Variants in HOMER2 observed in about 807,000 individuals in gnomAD.
HOMER2 encodes the protein homer scaffold protein 2.
HOMER2 carries 27 observed loss-of-function variants against 47.0 expected under a neutral mutation model. That is an observed-to-expected ratio of 0.57 (90% CI 0.42 to 0.79). The LOEUF is 0.79. HOMER2 is among the 30% of genes least tolerant of loss of function. The pLI is 0.00. For synonymous variants in HOMER2, 161 were observed against 163.8 expected, an observed-to-expected ratio of 0.98 and a Z score of 0.13; for missense variants, 443 against 435.0, an observed-to-expected ratio of 1.02 and a Z score of -0.16.
intron 1 of HOMER2, among the ~76,000 whole-genome samples, chr15:82,971,683 T>G (rs1379060937): frequency 1.3e-5 from 2 of 152,122 alleles, no homozygotes; most frequent in Admixed American, 6.6e-5. Context: ...CTCTTGCCAT[T>G]AATCTCTGAC....
intron 1 of HOMER2, chr15:82,926,658 A>G (rs2053859678): frequency 6.6e-6 from 1 of 152,370 alleles, no homozygotes; most frequent in Admixed American, 6.5e-5. Context: ...ACTGCACTCC[A>G]GCCTGGGCAA....
At chr15:82,896,169 T>C (rs1484349142) in intron 1 of HOMER2, among the ~76,000 whole-genome samples, 1 of 152,012 alleles carries the variant, frequency 6.6e-6, no homozygotes, top group East Asian at 1.9e-4. Context: ...AGAGCTGTTC[T>C]GGTCAGGAAG....
At chr15:82,871,944 G>T (rs2052187641) in intron 3 of HOMER2, among the ~76,000 whole-genome samples, 1 of 152,174 alleles carries the variant, frequency 6.6e-6, no homozygotes, top group Non-Finnish European at 1.5e-5. Flanking sequence ...GTTCCAGGCA[G>T]CTGTGAGTGA....
intron 6 of HOMER2, among the ~76,000 whole-genome samples, chr15:82,853,299 G>A (rs2051459050): frequency 6.6e-6 from 1 of 152,250 alleles, no homozygotes; most frequent in Non-Finnish European, 1.5e-5. Flanking sequence ...TGAGACCAAA[G>A]TGAGAAACTC....
intron 1 of HOMER2, among the ~76,000 whole-genome samples, chr15:82,922,207 C>G (rs1262918562): frequency 2.0e-5 from 3 of 152,156 alleles, no homozygotes; most frequent in African/African-American, 7.2e-5. Flanking sequence ...CACCACTGCC[C>G]CTGACACAGA....
chr15:82,859,096 G>A lies in HOMER2; in HGVS notation c.427C>T (p.His143Tyr), dbSNP rs2051687892. Residue 143 changes from histidine to tyrosine, a missense_variant, in exon 5 of 9, where the codon CAC (histidine) becomes TAC (tyrosine). Physicochemically the swap from His to Tyr is moderately conservative, Grantham distance 83. Transcript: ENST00000450735. Reference sequence around the variant, plus strand: ...AGGTGTGTGTTGGCTGGACCGGCGTGAGAGGCCTTTTCATCGTCCGTCCCG... The same window carrying A: ...AGGTGTGTGTTGGCTGGACCGGCGTAAGAGGCCTTTTCATCGTCCGTCCCG... ...VNGTDDEKAS[H>Y]AGPANTHLKS... The A allele has an allele frequency of 6.2e-7, 1 of 1,613,988 alleles. No individual in the cohort carries two copies. Among genetic ancestry groups the A allele is most frequent in the South Asian group, 1.1e-5 (1 of 91,076 alleles).
intron 1 of HOMER2, among the ~76,000 whole-genome samples, chr15:82,911,664 T>G (rs1034412257): frequency 6.6e-6 from 1 of 152,198 alleles, no homozygotes; most frequent in Non-Finnish European, 1.5e-5. Context: ...CAATAAAACT[T>G]TATTTACAAG....
intron 5 of HOMER2, among the ~76,000 whole-genome samples, chr15:82,855,094 T>C (rs1325791058): frequency 6.6e-6 from 1 of 152,012 alleles, no homozygotes; most frequent in African/African-American, 2.4e-5. Context: ...CCTAACACTT[T>C]GGGAGGCCGA....
chr15:82,976,685 T>TTC (rs1355718529), intron 1 of HOMER2, among the ~76,000 whole-genome samples: 2 of 149,666 alleles, frequency 1.3e-5, no homozygotes, highest in Non-Finnish European at 3.0e-5. Context: ...GTGGTTTTTT[T>TTC]TTTTTTTTTT....
chr15:82,838,630 T>G (rs2051148651), exon 2 of HOMER2: 1 of 152,170 alleles, frequency 6.6e-6, no homozygotes, highest in African/African-American at 2.4e-5. Flanking sequence ...AGGCATGAGG[T>G]ATCCAGCGGG....
At chr15:82,968,072 A>G (rs2054691888) in intron 1 of HOMER2, among the ~76,000 whole-genome samples, 1 of 152,140 alleles carries the variant, frequency 6.6e-6, no homozygotes, top group Admixed American at 6.5e-5. Flanking sequence ...TAAATTTTTT[A>G]TTTCTTTTTT....
At chr15:82,857,633 G>T (rs2051633659) in intron 5 of HOMER2, among the ~76,000 whole-genome samples, 1 of 151,970 alleles carries the variant, frequency 6.6e-6, no homozygotes, top group African/African-American at 2.4e-5. Context: ...GTTTCACCGT[G>T]TTGCCCAGGC....
rs2054465598 is a variant in HOMER2, at chr15:82,949,782, T to A, written c.5+2749A>T. Among the ~76,000 whole-genome samples, 2 of 152,140 alleles carry A rather than the reference T, an allele frequency of 1.3e-5. 1 individual carries two copies. Among genetic ancestry groups the A allele is most frequent in the South Asian group, 4.1e-4 (2 of 4,824 alleles). ...GTGGCTATTTAAATTTAGATTAAGT[T>A]AAAAATTCAGGTCCTCAGTCTCAAC... On this transcript the variant is annotated intron_variant, in intron 1 of 8. Coordinates refer to ENST00000450735, the MANE Select transcript of HOMER2 (RefSeq NM_004839.4).
intron 1 of HOMER2, among the ~76,000 whole-genome samples, chr15:82,900,437 CAT>C: frequency 6.6e-6 from 1 of 152,116 alleles, no homozygotes; most frequent in South Asian, 2.1e-4. Context: ...ATAAATCTAA[CAT>C]AATAAAATTA....
chr15:82,857,682 C>T (rs2151618118), intron 5 of HOMER2, among the ~76,000 whole-genome samples: 2 of 152,188 alleles, frequency 1.3e-5, no homozygotes, highest in East Asian at 3.9e-4. Flanking sequence ...CCAGCCACCT[C>T]GGCCTCCCAA....
chr15:82,981,050 G>A (rs1596391565), intron 1 of HOMER2, among the ~76,000 whole-genome samples: 1 of 152,174 alleles, frequency 6.6e-6, no homozygotes, highest in Non-Finnish European at 1.5e-5. Flanking sequence ...GGGGGTGGAA[G>A]CAGCCAGTAA....
intron 1 of HOMER2, among the ~76,000 whole-genome samples, chr15:82,916,488 T>A (rs1434968068): frequency 1.3e-5 from 2 of 151,952 alleles, no homozygotes; most frequent in African/African-American, 4.8e-5. Context: ...TGAGAATAGG[T>A]CTATTGCATG....
At chr15:82,897,841 G>A (rs771000323) in intron 1 of HOMER2, among the ~76,000 whole-genome samples, 132 of 152,200 alleles carry the variant, frequency 8.7e-4, no homozygotes, top group Non-Finnish European at 1.0e-3. Context: ...GCCTTCAGAT[G>A]AGACTCCAAC....
upstream of HOMER2, among the ~76,000 whole-genome samples, chr15:82,952,985 C>T (rs2054542356): frequency 6.6e-6 from 1 of 152,228 alleles, no homozygotes; most frequent in Non-Finnish European, 1.5e-5. Context: ...GCAGTGCCAT[C>T]AACATCCTGC....
Sources: gnomAD v4.1 joint callset for allele counts (sites outside exome capture counted in the v4.1 genomes callset) on GRCh38, gnomAD v4.1.1 for gene constraint, MANE v1.5 for transcripts, NCBI Gene and HGNC (gene_info 2026-07-23, HGNC 2026-07-21) for gene names.